IQCJ: variants seen among roughly 807,000 people sequenced by gnomAD.
The protein encoded by IQCJ is IQ domain-containing protein J.
Under a neutral mutation model 11.0 loss-of-function variants are expected in IQCJ, and 9 were observed. That is an observed-to-expected ratio of 0.82 (90% CI 0.49 to 1.43). IQCJ has a LOEUF of 1.43. IQCJ is among the 40% of genes most tolerant of loss of function. IQCJ has a pLI of 0.00. For synonymous variants in IQCJ, 55 were observed against 51.3 expected, an observed-to-expected ratio of 1.07 and a Z score of -0.31; for missense variants, 146 against 133.2, an observed-to-expected ratio of 1.10 and a Z score of -0.47.
chr3:159,078,879 A>G (rs1329790805), intron 1 of IQCJ, among the ~76,000 whole-genome samples: 2 of 152,098 alleles, frequency 1.3e-5, no homozygotes, highest in African/African-American at 4.8e-5. Context: ...GCTGCTGTTA[A>G]GATTTTAAAT....
intron 1 of IQCJ, among the ~76,000 whole-genome samples, chr3:159,219,558 A>G (rs1054308673): frequency 1.3e-5 from 2 of 152,198 alleles, no homozygotes; most frequent in Admixed American, 1.3e-4. Context: ...TAAATTTTGT[A>G]GGTATGAATT....
chr3:159,172,354 G>T (rs977867657), intron 1 of IQCJ, among the ~76,000 whole-genome samples: 1 of 151,788 alleles, frequency 6.6e-6, no homozygotes, highest in East Asian at 1.9e-4. Flanking sequence ...CCATGAAAAA[G>T]TATACATAGA....
At chr3:159,184,753 CT>C (rs1413803452) in intron 1 of IQCJ, among the ~76,000 whole-genome samples, 1 of 152,062 alleles carries the variant, frequency 6.6e-6, no homozygotes. Context: ...TGAAATTGAT[CT>C]GGTATATTGA....
At chr3:159,157,956 G>C (rs1721626592) in intron 1 of IQCJ, among the ~76,000 whole-genome samples, 1 of 152,036 alleles carries the variant, frequency 6.6e-6, no homozygotes, top group South Asian at 2.1e-4. Context: ...CCTACTGAGA[G>C]ACATTTGGGC....
intron 1 of IQCJ, among the ~76,000 whole-genome samples, chr3:159,107,341 A>G (rs1403418545): frequency 1.3e-5 from 2 of 152,202 alleles, no homozygotes; most frequent in African/African-American, 4.8e-5. Context: ...GATACTTTCC[A>G]GTAACCAGGA....
chr3:159,075,131 C>G (rs114078848), intron 1 of IQCJ, among the ~76,000 whole-genome samples: 1 of 152,054 alleles, frequency 6.6e-6, no homozygotes, highest in South Asian at 2.1e-4. Flanking sequence ...AAAGACTTGA[C>G]GCTAAATAAG....
chr3:159,113,137 T>C (rs1326932317), intron 1 of IQCJ, among the ~76,000 whole-genome samples: 1 of 152,228 alleles, frequency 6.6e-6, no homozygotes, highest in East Asian at 1.9e-4. Context: ...TGAAGAAAAA[T>C]GTTTATGGTT....
At chr3:159,078,842 G>A (rs1716118861) in intron 1 of IQCJ, among the ~76,000 whole-genome samples, 1 of 151,948 alleles carries the variant, frequency 6.6e-6, no homozygotes, top group African/African-American at 2.4e-5. Flanking sequence ...TATAAAATGA[G>A]GATAATGATA....
At chr3:159,116,031 G>A in intron 1 of IQCJ, among the ~76,000 whole-genome samples, 1 of 152,094 alleles carries the variant, frequency 6.6e-6, no homozygotes, top group East Asian at 1.9e-4. Context: ...TAACAAACCT[G>A]CATGTTCTGC....
In IQCJ at chr3:159,199,605, G is replaced by T. The variant is rs867882911; in HGVS notation, c.10-46238G>T. ...TTAAAGCGACAATCATTGATGTGGC[G>T]GGAGGAAAGCTGGTCTCTATCTTGA... On this transcript the variant is annotated intron_variant, in intron 1 of 3. Transcript: ENST00000397832. Among the ~76,000 whole-genome samples the T allele has an allele frequency of 2.0e-5, 3 of 152,242 alleles. No homozygotes were observed. The East Asian group carries it at 5.8e-4, about 29-fold the overall frequency.
At chr3:159,094,427 T>G (rs1343079990) in intron 1 of IQCJ, among the ~76,000 whole-genome samples, 2 of 63,198 alleles carry the variant, frequency 3.2e-5, no homozygotes, top group African/African-American at 8.9e-5. Context: ...ATCTGCTTTT[T>G]TTTTTTTTTT....
chr3:159,162,312 C>T lies in IQCJ; in HGVS notation c.10-83531C>T, dbSNP rs1385702149. Among the ~76,000 whole-genome samples the T allele has an allele frequency of 3.9e-5, 6 of 152,090 alleles. No individual in the cohort carries two copies. In the South Asian group the frequency reaches 8.3e-4, roughly 21 times the overall value. On this transcript the variant is annotated intron_variant, in intron 1 of 3. Transcript: ENST00000397832. ...GAAGCAATTGTGAATGGGAGTTCAC[C>T]CATGATTTGGCTGTCTGTTTGTCTG...
rs1029215868 is a variant in IQCJ at position 159,200,028 on chromosome 3, G to A, written c.10-45815G>A. Among the ~76,000 whole-genome samples, 6 of 96,456 alleles carry A rather than the reference G, an allele frequency of 6.2e-5. 1 individual carries two copies. Among genetic ancestry groups the A allele is most frequent in the African/African-American group, 5.8e-5 (1 of 17,196 alleles). The allele number at this position is 96,456 out of a possible 152,430, so 63.3% of individuals were successfully genotyped here. ...CATAAGATTGTTATAAGGAGTAAAC[G>A]ACTATATATATATATATATAAATCT... On this transcript the variant is annotated intron_variant, in intron 1 of 3. Transcript: ENST00000397832.
chr3:159,069,449 A>G lies in IQCJ; in HGVS notation c.9+8A>G, dbSNP rs1045655417. On this transcript the variant is annotated splice_region_variant and intron_variant, in intron 1 of 3. Coordinates refer to ENST00000397832, the MANE Select transcript of IQCJ (RefSeq NM_001042706.3). ...AACTTCAAAATGCGTCTGGTAATGT[A>G]TTTGCTTTTCTAAACGTGCCACTTT... The G allele has an allele frequency of 1.9e-5, 31 of 1,608,152 alleles. No individual in the cohort carries two copies. Among genetic ancestry groups the G allele is most frequent in the Non-Finnish European group, 2.6e-5 (31 of 1,177,734 alleles).
chr3:159,106,484 G>A (rs889184038), intron 1 of IQCJ, among the ~76,000 whole-genome samples: 2 of 152,048 alleles, frequency 1.3e-5, no homozygotes, highest in Admixed American at 1.3e-4. Flanking sequence ...CAGCAAGAGA[G>A]ATTGAAGGAA....
Position 159,262,705 on chromosome 3 carries a change from C to A in IQCJ, c.313C>A (p.Leu105Ile), listed in dbSNP as rs772098597. Residue 105 changes from leucine (L) to isoleucine (I), a missense_variant, in exon 4 of 4, where the codon CTA becomes ATA. Transcript: ENST00000397832. ...STPVSVMFLF[L>I]CPDLTFN is the part of the protein sequence containing the mutation. ...ACCCGTGAGTGTCATGTTTCTTTTT[C>A]TATGTCCTGACTTGACATTCAACTG... The A allele has an allele frequency of 6.2e-7, 1 of 1,613,788 alleles. No individual in the cohort carries two copies. The highest frequency in any genetic ancestry group is 1.7e-5 in the Admixed American group (1 of 60,002).
Position 159,175,339 on chromosome 3 carries a change from C to T in IQCJ, c.10-70504C>T, listed in dbSNP as rs538820549. On this transcript the variant is annotated intron_variant, in intron 1 of 3. Coordinates refer to ENST00000397832, the MANE Select transcript of IQCJ (RefSeq NM_001042706.3). Reference sequence around the variant, plus strand: ...AAAAGAAATTAGTCAGGTGTGGTGGCGCATGCTTGTAGTCCCAGCTACTCT... The same window carrying T: ...AAAAGAAATTAGTCAGGTGTGGTGGTGCATGCTTGTAGTCCCAGCTACTCT... Among the ~76,000 whole-genome samples, 15 of 152,168 alleles carry T rather than the reference C, an allele frequency of 9.9e-5. No homozygotes were observed. The East Asian group carries it at 2.3e-3, about 24-fold the overall frequency.
chr3:159,234,892 C>G (rs573420893), intron 1 of IQCJ, among the ~76,000 whole-genome samples: 6 of 152,102 alleles, frequency 3.9e-5, no homozygotes, highest in Admixed American at 2.6e-4. Context: ...CCCTGCTAAG[C>G]AAAAAAATCT....
intron 1 of IQCJ, among the ~76,000 whole-genome samples, chr3:159,211,810 G>A (rs1056364297): frequency 1.3e-5 from 2 of 151,904 alleles, no homozygotes; most frequent in East Asian, 1.9e-4. Flanking sequence ...CTAGAGTGAC[G>A]ATATACAATG....
Sources: allele counts gnomAD v4.1 joint callset (sites outside exome capture counted in the v4.1 genomes callset), GRCh38; gene constraint gnomAD v4.1.1; transcripts MANE v1.5; gene names NCBI Gene and HGNC (gene_info 2026-07-23, HGNC 2026-07-21).